The following ZNRF3 variants were observed in gnomAD, a reference collection of about 807,000 sequenced individuals.
ZNRF3 encodes the protein E3 ubiquitin-protein ligase ZNRF3.
ZNRF3 carries 23 observed loss-of-function variants against 72.5 expected under a neutral mutation model. The observed-to-expected ratio is 0.32, with a 90% CI of 0.23 to 0.45. The LOEUF is 0.45. Among genes scored for constraint, ZNRF3 ranks in the 20% least tolerant of loss-of-function variants. ZNRF3 has a pLI of 1.00. For missense variants in ZNRF3, 1,169 were observed against 1,272.1 expected, an observed-to-expected ratio of 0.92 and a Z score of 1.23; for synonymous variants, 610 against 545.3, an observed-to-expected ratio of 1.12 and a Z score of -1.65.
chr22:29,011,365 G>A (rs541871044), intron 2 of ZNRF3, among the ~76,000 whole-genome samples: 53 of 152,268 alleles, frequency 3.5e-4, no homozygotes, highest in African/African-American at 1.1e-3. Context: ...GTCCGTCTCC[G>A]TGGCCAGCTG....
chr22:28,956,826 C>T (rs192378602), intron 1 of ZNRF3, among the ~76,000 whole-genome samples: 1 of 152,224 alleles, frequency 6.6e-6, no homozygotes, highest in Non-Finnish European at 1.5e-5. Flanking sequence ...TAAACAGTCC[C>T]AGAGGGCTTT....
chr22:28,918,483 G>T lies in ZNRF3; in HGVS notation c.300+34417G>T, dbSNP rs559560296. Among the ~76,000 whole-genome samples, 3 of 151,456 alleles carry T rather than the reference G, an allele frequency of 2.0e-5. No homozygotes were observed. In the South Asian group the frequency reaches 6.3e-4, roughly 32 times the overall value. ...GTTGCAGCTGGCATGTGCATGTGTG[G>T]GTGCGTGCGTGTGTGTGTATGCACA... On this transcript the variant is annotated intron_variant, in intron 1 of 8. Transcript: ENST00000544604.
chr22:28,948,333 T>TA (rs546639735), intron 1 of ZNRF3, among the ~76,000 whole-genome samples: 7 of 151,848 alleles, frequency 4.6e-5, no homozygotes, highest in Non-Finnish European at 4.4e-5. Flanking sequence ...CCTGGCTATT[T>TA]AAAAAAAATT....
chr22:28,922,567 G>GT (rs2034529334), intron 1 of ZNRF3, among the ~76,000 whole-genome samples: 1 of 152,154 alleles, frequency 6.6e-6, no homozygotes, highest in Non-Finnish European at 1.5e-5. Context: ...CCTTTCTGTA[G>GT]TTTGTTAGGT....
At chr22:29,010,231 A>G (rs13054095) in intron 2 of ZNRF3, among the ~76,000 whole-genome samples, 1 of 151,908 alleles carries the variant, frequency 6.6e-6, no homozygotes, top group Non-Finnish European at 1.5e-5. Flanking sequence ...CTGAAACTCC[A>G]TACCTATTAA....
chr22:28,884,168 C>A, intron 1 of ZNRF3, 102 bp downstream of exon 1: 1 of 918,822 alleles, frequency 1.1e-6, no homozygotes, highest in Non-Finnish European at 1.3e-6. Flanking sequence ...GGCGGGCGGG[C>A]GGGAGGGGTG....
intron 1 of ZNRF3, among the ~76,000 whole-genome samples, chr22:28,910,947 A>C (rs2034305065): frequency 6.6e-6 from 1 of 151,744 alleles, no homozygotes; most frequent in Non-Finnish European, 1.5e-5. Flanking sequence ...CCTGGCATAG[A>C]ATGTGCCCAT....
intron 1 of ZNRF3, among the ~76,000 whole-genome samples, chr22:28,919,750 G>T (rs993167507): frequency 2.0e-5 from 3 of 151,410 alleles, no homozygotes; most frequent in Non-Finnish European, 2.9e-5. Flanking sequence ...CAGGTGATTC[G>T]CTTGCCTCAG....
intron 1 of ZNRF3, among the ~76,000 whole-genome samples, chr22:28,956,353 CTT>C (rs61155224): frequency 0.022 from 2,463 of 110,338 alleles, 55 homozygotes; most frequent in African/African-American, 0.055. Flanking sequence ...TTTCCATTTC[CTT>C]TTTTTTTTTT....
At chr22:29,006,432 G>A (rs984706140) in intron 2 of ZNRF3, among the ~76,000 whole-genome samples, 1 of 152,052 alleles carries the variant, frequency 6.6e-6, no homozygotes, top group African/African-American at 2.4e-5. Flanking sequence ...GGCTGGTCTC[G>A]AACTCCTGAC....
At chr22:28,884,094 C>T (rs1339822985) in intron 1 of ZNRF3, 28 bp downstream of exon 1, 1 of 1,175,920 alleles carries the variant, frequency 8.5e-7, no homozygotes, top group South Asian at 2.1e-5. Flanking sequence ...GGGCCCCGCG[C>T]CGCCTCCGCC....
chr22:29,052,536 T>C (rs1407603030), intron 8 of ZNRF3, among the ~76,000 whole-genome samples: 4 of 151,726 alleles, frequency 2.6e-5, no homozygotes, highest in Admixed American at 2.6e-4. Context: ...CTAATAAAAA[T>C]ATGAAAATTA....
intron 1 of ZNRF3, among the ~76,000 whole-genome samples, chr22:28,919,616 T>C (rs2034473194): frequency 6.6e-6 from 1 of 151,654 alleles, no homozygotes; most frequent in South Asian, 2.1e-4. Context: ...CTTGGCTCAC[T>C]GCACCTCAGC....
At chr22:28,919,978 T>C (rs2034480920) in intron 1 of ZNRF3, among the ~76,000 whole-genome samples, 1 of 152,070 alleles carries the variant, frequency 6.6e-6, no homozygotes, top group Non-Finnish European at 1.5e-5. Context: ...TTTATTTTAT[T>C]TTTTGAGATG....
intron 2 of ZNRF3, 142 bp from the exon 3 acceptor site, chr22:29,042,353 G>C (rs1318537452): frequency 1.6e-6 from 1 of 621,370 alleles, no homozygotes; most frequent in Non-Finnish European, 2.8e-6. Context: ...TTGAGGATTA[G>C]GAAAGTGAAG....
chr22:29,008,325 G>T (rs2036294266), intron 2 of ZNRF3, among the ~76,000 whole-genome samples: 1 of 152,208 alleles, frequency 6.6e-6, no homozygotes, highest in South Asian at 2.1e-4. Context: ...GAACGAGTTT[G>T]CTGATGACCC....
chr22:28,909,293 T>C (rs1477073767), intron 1 of ZNRF3, among the ~76,000 whole-genome samples: 1 of 152,184 alleles, frequency 6.6e-6, no homozygotes, highest in African/African-American at 2.4e-5. Flanking sequence ...TAACTATTGC[T>C]ACCTATGGAA....
intron 2 of ZNRF3, among the ~76,000 whole-genome samples, chr22:29,041,040 G>A (rs554186816): frequency 7.2e-5 from 11 of 152,120 alleles, no homozygotes; most frequent in Non-Finnish European, 1.5e-4. Flanking sequence ...CATCATTTGC[G>A]CGTCTTATAG....
At chr22:28,941,800 A>G (rs1327663502) in intron 1 of ZNRF3, among the ~76,000 whole-genome samples, 1 of 151,988 alleles carries the variant, frequency 6.6e-6, no homozygotes, top group Non-Finnish European at 1.5e-5. Flanking sequence ...AATCCCAGCT[A>G]CTCGGGAGGC....
Sources: allele counts gnomAD v4.1 joint callset (sites outside exome capture counted in the v4.1 genomes callset), GRCh38; gene constraint gnomAD v4.1.1; transcripts MANE v1.5; gene names NCBI Gene and HGNC (gene_info 2026-07-23, HGNC 2026-07-21).